STAP1: variants seen among roughly 807,000 people sequenced by gnomAD.
STAP1 encodes the protein signal-transducing adaptor protein 1.
STAP1 carries 30 observed loss-of-function variants against 37.8 expected under a neutral mutation model. That is an observed-to-expected ratio of 0.79 (90% CI 0.59 to 1.08). The LOEUF (loss-of-function observed/expected upper bound fraction) is 1.08, where lower values mean the gene tolerates loss of function less well. STAP1 is among the 50% of genes least tolerant of loss of function. The pLI, the probability that STAP1 is intolerant of heterozygous loss-of-function variation, is 0.00. For missense variants in STAP1, 357 were observed against 349.4 expected, an observed-to-expected ratio of 1.02 and a Z score of -0.17; for synonymous variants, 130 against 116.0, an observed-to-expected ratio of 1.12 and a Z score of -0.78.
intron 8 of STAP1, among the ~76,000 whole-genome samples, chr4:67,597,441 A>C (rs1728250689): frequency 6.6e-6 from 1 of 152,234 alleles, no homozygotes; most frequent in Non-Finnish European, 1.5e-5. Flanking sequence ...GCCCCCACAC[A>C]GAGTTCCCAC....
chr4:67,581,612 G>A, intron 5 of STAP1, 141 bp downstream of exon 5: 1 of 877,062 alleles, frequency 1.1e-6, no homozygotes, highest in South Asian at 2.4e-5. Context: ...CTGCGTACAT[G>A]CCATATTTCC....
At position 67,589,658 on chromosome 4, in the gene STAP1, A is replaced by T. The variant is rs75444372; in HGVS notation, c.660-1226A>T. Among the ~76,000 whole-genome samples, 338 of 152,332 alleles carry T rather than the reference A, an allele frequency of 2.2e-3. 2 individuals carry two copies. The highest frequency in any genetic ancestry group is 3.6e-3 in the Non-Finnish European group (242 of 68,034). ...CTGTTCATTTGTCAACACTAGAAAA[A>T]GTTTTCATCCTAACATGCTTGCCGT... On this transcript the variant is annotated intron_variant, in intron 6 of 8. Coordinates refer to ENST00000265404, the MANE Select transcript of STAP1 (RefSeq NM_012108.4).
intron 6 of STAP1, among the ~76,000 whole-genome samples, chr4:67,587,106 T>C (rs1353624801): frequency 6.6e-6 from 1 of 152,220 alleles, no homozygotes; most frequent in African/African-American, 2.4e-5. Context: ...AACAGGTCAC[T>C]TAAAGGATAA....
intron 1 of STAP1, among the ~76,000 whole-genome samples, chr4:67,566,220 C>T (rs1283442057): frequency 1.3e-5 from 2 of 151,900 alleles, no homozygotes; most frequent in Non-Finnish European, 2.9e-5. Context: ...AGTACTGCGA[C>T]GACAGGCATG....
At chr4:67,588,096 C>G (rs920652689) in intron 6 of STAP1, among the ~76,000 whole-genome samples, 7 of 142,574 alleles carry the variant, frequency 4.9e-5, no homozygotes, top group Admixed American at 1.4e-4. Flanking sequence ...AGGTCAGCAT[C>G]AGGAAATCTT....
intron 8 of STAP1, among the ~76,000 whole-genome samples, chr4:67,602,576 C>T (rs1474711554): frequency 6.6e-6 from 1 of 152,082 alleles, no homozygotes. Context: ...GCACATGGGC[C>T]CAGGAACACT....
intron 6 of STAP1, among the ~76,000 whole-genome samples, chr4:67,589,963 G>A (rs1728085721): frequency 6.6e-6 from 1 of 151,916 alleles, no homozygotes; most frequent in South Asian, 2.1e-4. Context: ...CACCATGCCT[G>A]GCTAATTTTT....
intron 1 of STAP1, among the ~76,000 whole-genome samples, chr4:67,570,524 T>C (rs887577809): frequency 3.5e-4 from 54 of 152,210 alleles, no homozygotes; most frequent in Non-Finnish European, 3.4e-4. Context: ...TTTAATCAAG[T>C]GGTGGCATGG....
chr4:67,607,317 A>G lies in STAP1; in HGVS notation c.*960A>G, dbSNP rs1728475716. 1 of 152,154 alleles carries G rather than the reference A, an allele frequency of 6.6e-6. No homozygotes were observed. The highest frequency in any genetic ancestry group is 1.5e-5 in the Non-Finnish European group (1 of 68,038). The allele number at this position is 152,154 out of a possible 1,614,324, so 9.4% of individuals were successfully genotyped here. On this transcript the variant is annotated 3_prime_UTR_variant, in exon 9 of 9. Coordinates refer to ENST00000265404, the MANE Select transcript of STAP1 (RefSeq NM_012108.4). ...AAATCCGGCTTCTTGACTTGTGAGAAAATAAATTTGTGTTCCTTAATCCAC... is the reference window on the plus strand; with the variant it reads ...AAATCCGGCTTCTTGACTTGTGAGAGAATAAATTTGTGTTCCTTAATCCAC...
In STAP1 at chr4:67,571,069, G is replaced by T. The variant is rs1727594047; in HGVS notation, c.121-15G>T. The T allele has an allele frequency of 6.3e-7, 1 of 1,598,788 alleles. No individual in the cohort carries two copies. The highest frequency in any genetic ancestry group is 1.1e-5 in the South Asian group (1 of 90,482). On this transcript the variant is annotated splice_polypyrimidine_tract_variant and intron_variant, in intron 1 of 8. Transcript: ENST00000265404. ...ATACACTAATGAAATAATGTTTATG[G>T]TTTCTTTCCCACAGGAGTATGAGCA... is the stretch of plus-strand genomic sequence containing the variant.
At chr4:67,579,914 G>T (rs1443934461) in intron 4 of STAP1, among the ~76,000 whole-genome samples, 2 of 152,060 alleles carry the variant, frequency 1.3e-5, no homozygotes, top group African/African-American at 4.8e-5. Flanking sequence ...CACCCAGGCT[G>T]GAGTGCAGTG....
intron 3 of STAP1, among the ~76,000 whole-genome samples, chr4:67,575,890 T>C (rs1727709447): frequency 6.6e-6 from 1 of 152,162 alleles, no homozygotes; most frequent in South Asian, 2.1e-4. Context: ...CTGATTGACC[T>C]TGAAAAGCAC....
intron 8 of STAP1, among the ~76,000 whole-genome samples, chr4:67,605,094 G>A (rs1044637601): frequency 2.6e-5 from 4 of 152,144 alleles, no homozygotes; most frequent in African/African-American, 9.7e-5. Flanking sequence ...GAGCCGCCAA[G>A]GGTCCTTTTT....
chr4:67,562,269 G>C (rs1263752426), intron 1 of STAP1, among the ~76,000 whole-genome samples: 1 of 151,724 alleles, frequency 6.6e-6, no homozygotes. Flanking sequence ...TTGAATCTGG[G>C]AGGCGGAGGT....
intron 8 of STAP1, among the ~76,000 whole-genome samples, chr4:67,596,371 A>G (rs956755705): frequency 2.0e-5 from 3 of 152,176 alleles, no homozygotes; most frequent in Non-Finnish European, 1.5e-5. Context: ...TAAATTACCT[A>G]GTCTCAGGTA....
chr4:67,587,471 T>C (rs17632290), intron 6 of STAP1, among the ~76,000 whole-genome samples: 69,561 of 152,044 alleles, frequency 0.46, 17,270 homozygotes, highest in Non-Finnish European at 0.58. Context: ...CACCTTTACC[T>C]AGCCCAATGG....
At chr4:67,572,052 A>G (rs1488488097) in intron 2 of STAP1, among the ~76,000 whole-genome samples, 2 of 152,230 alleles carry the variant, frequency 1.3e-5, no homozygotes, top group Non-Finnish European at 2.9e-5. Context: ...CTCACTTACT[A>G]CATGGCAAGA....
rs74567312 is a variant in STAP1 at position 67,570,499 on chromosome 4, T to C, written c.121-585T>C. Among the ~76,000 whole-genome samples the C allele has an allele frequency of 1.2e-4, 19 of 152,250 alleles. No individual in the cohort carries two copies. The East Asian group carries it at 3.5e-3, about 28-fold the overall frequency. On this transcript the variant is annotated intron_variant, in intron 1 of 8. Transcript: ENST00000265404. ...CCTTATCTGAAATGTTATACTAAAATAAACTTGAGAATGATTTAATCAAGT... is the reference window on the plus strand; with the variant it reads ...CCTTATCTGAAATGTTATACTAAAACAAACTTGAGAATGATTTAATCAAGT...
At chr4:67,564,308 TC>T (rs1727417684) in intron 1 of STAP1, among the ~76,000 whole-genome samples, 1 of 152,164 alleles carries the variant, frequency 6.6e-6, no homozygotes, top group African/African-American at 2.4e-5. Context: ...CTTAATCCTT[TC>T]CACAAGTATA....
Sources: gnomAD v4.1 joint callset for allele counts (sites outside exome capture counted in the v4.1 genomes callset) on GRCh38, gnomAD v4.1.1 for gene constraint, MANE v1.5 for transcripts, NCBI Gene and HGNC (gene_info 2026-07-23, HGNC 2026-07-21) for gene names.